TENM1: variants seen among roughly 807,000 people sequenced by gnomAD.
TENM1 encodes the protein teneurin transmembrane protein 1, also known as teneurin-1.
In TENM1, 35 loss-of-function variants were observed where a neutral mutation model predicts 174.8. The observed-to-expected ratio is 0.20, with a 90% CI of 0.15 to 0.27. The LOEUF (loss-of-function observed/expected upper bound fraction) is 0.27. Ranked by LOEUF, TENM1 falls within the 10% of genes least tolerant of loss-of-function variation. The probability of loss-of-function intolerance (pLI) is 1.00; values close to 1 mark genes in which losing one functional copy is unlikely to be tolerated. For synonymous variants in TENM1, 781 were observed against 798.7 expected, an observed-to-expected ratio of 0.98 and a Z score of 0.37; for missense variants, 1,633 against 2,130.1, an observed-to-expected ratio of 0.77 and a Z score of 4.59.
At chrX:124,389,759 A>G (rs1270257765) in intron 28 of TENM1, among the ~76,000 whole-genome samples, 1 of 111,498 alleles carries the variant, frequency 9.0e-6, no homozygotes, top group Non-Finnish European at 1.9e-5. Flanking sequence ...TCATTTAATT[A>G]TATCTATTCA....
chrX:125,049,726 T>C, the TENM1 span, among the ~76,000 whole-genome samples: 1 of 111,554 alleles, frequency 9.0e-6, no homozygotes, highest in African/African-American at 3.3e-5. Flanking sequence ...CATCCTCCTA[T>C]GTGTGACATA....
chrX:125,204,191 GC>G, the TENM1 span: 1 of 114,127 alleles, frequency 8.8e-6, no homozygotes, highest in Non-Finnish European at 1.9e-5. Context: ...GGTGAGCTCA[GC>G]CCCCGGGGCA....
At chrX:125,199,043 T>C in the TENM1 span, among the ~76,000 whole-genome samples, 3 of 111,975 alleles carry the variant, frequency 2.7e-5, no homozygotes, top group South Asian at 3.7e-4. Context: ...ATTTAGTTCA[T>C]TGGGCATTTT....
chrX:125,006,289 C>T, the TENM1 span, among the ~76,000 whole-genome samples: 1 of 111,828 alleles, frequency 8.9e-6, no homozygotes, highest in Non-Finnish European at 1.9e-5. Flanking sequence ...TGCAGCAAAG[C>T]AGCTGTGGCC....
intron 22 of TENM1, among the ~76,000 whole-genome samples, chrX:124,475,564 G>A (rs1056656490): frequency 9.0e-6 from 1 of 111,625 alleles, no homozygotes; most frequent in Admixed American, 9.5e-5. Flanking sequence ...GGTCACCAAC[G>A]AACTCCTCAT....
At chrX:125,047,683 A>T in the TENM1 span, among the ~76,000 whole-genome samples, 1 of 111,332 alleles carries the variant, frequency 9.0e-6, no homozygotes, top group African/African-American at 3.3e-5. Context: ...TAAACTATAG[A>T]ATATATATCT....
At chrX:124,889,938 C>T (rs998408544) in intron 3 of TENM1, among the ~76,000 whole-genome samples, 1 of 111,549 alleles carries the variant, frequency 9.0e-6, no homozygotes, top group African/African-American at 3.3e-5. Context: ...GCATCAATCT[C>T]TCCCAGTAGA....
chrX:124,816,536 T>C (rs2055899174), intron 3 of TENM1, among the ~76,000 whole-genome samples: 2 of 111,914 alleles, frequency 1.8e-5, no homozygotes, highest in Non-Finnish European at 3.8e-5. Flanking sequence ...TTTTATACTC[T>C]CTGGCATCTT....
chrX:124,650,200 C>CAAAAAAA (rs755570562), intron 8 of TENM1, among the ~76,000 whole-genome samples: 5 of 24,858 alleles, frequency 2.0e-4, no homozygotes, highest in Non-Finnish European at 3.7e-4. Flanking sequence ...AAACTGTCTC[C>CAAAAAAA]AAAAAAAAAA....
chrX:124,879,782 C>A (rs2057272498), intron 3 of TENM1, among the ~76,000 whole-genome samples: 1 of 112,128 alleles, frequency 8.9e-6, no homozygotes, highest in Admixed American at 9.5e-5. Context: ...TCAGCATCTG[C>A]TATTTTTTGT....
chrX:124,990,060 T>A, the TENM1 span, among the ~76,000 whole-genome samples: 2 of 111,788 alleles, frequency 1.8e-5, no homozygotes, highest in African/African-American at 3.2e-5. Flanking sequence ...CTAAAATTTT[T>A]AAAATACTCT....
intron 3 of TENM1, among the ~76,000 whole-genome samples, chrX:124,874,978 T>A (rs967647305): frequency 3.6e-5 from 4 of 111,626 alleles, no homozygotes; most frequent in Non-Finnish European, 7.5e-5. Context: ...CATCATTATA[T>A]TATGTTTTTC....
At chrX:124,940,157 G>A (rs1037768351) in intron 1 of TENM1, among the ~76,000 whole-genome samples, 2 of 111,500 alleles carry the variant, frequency 1.8e-5, no homozygotes, top group Non-Finnish European at 3.8e-5. Context: ...CATTCTGCAG[G>A]TCCTACCCCT....
chrX:124,754,746 C>T (rs1383399783), intron 3 of TENM1, among the ~76,000 whole-genome samples: 2 of 105,848 alleles, frequency 1.9e-5, no homozygotes, highest in African/African-American at 7.2e-5. Flanking sequence ...TCGTTATGTA[C>T]CCAGTAGTCA....
At chrX:124,899,923 G>A (rs1207628174) in intron 1 of TENM1, among the ~76,000 whole-genome samples, 1 of 112,324 alleles carries the variant, frequency 8.9e-6, no homozygotes, top group Non-Finnish European at 1.9e-5. Context: ...AGAATGTGGA[G>A]CAATTGCAAT....
chrX:125,018,919 T>A, the TENM1 span, among the ~76,000 whole-genome samples: 1 of 111,959 alleles, frequency 8.9e-6, no homozygotes, highest in African/African-American at 3.2e-5. Flanking sequence ...ATGTTTCTCA[T>A]CAATCTTTGA....
intron 3 of TENM1, among the ~76,000 whole-genome samples, chrX:124,744,294 G>A (rs1442071854): frequency 1.8e-5 from 2 of 111,415 alleles, no homozygotes; most frequent in South Asian, 3.7e-4. Context: ...GAGTAGTTTC[G>A]TAATGTTAAA....
At chrX:124,450,030 C>T in intron 23 of TENM1, among the ~76,000 whole-genome samples, 1 of 110,428 alleles carries the variant, frequency 9.1e-6, no homozygotes, top group Non-Finnish European at 1.9e-5. Context: ...AATTGTAACT[C>T]CTACAATTCC....
At chrX:124,642,896 T>C (rs2148374483) in intron 10 of TENM1, among the ~76,000 whole-genome samples, 1 of 112,521 alleles carries the variant, frequency 8.9e-6, no homozygotes, top group East Asian at 2.8e-4. Flanking sequence ...GAATTACTTC[T>C]CCAGCAATGC....
Sources: gnomAD v4.1 joint callset for allele counts (sites outside exome capture counted in the v4.1 genomes callset) on GRCh38, gnomAD v4.1.1 for gene constraint, MANE v1.5 for transcripts, NCBI Gene and HGNC (gene_info 2026-07-23, HGNC 2026-07-21) for gene names.